The following NRXN3 variants were observed in gnomAD, a reference collection of about 807,000 sequenced individuals.
The protein encoded by NRXN3 is neurexin III.
NRXN3 carries 32 observed loss-of-function variants against 137.6 expected under a neutral mutation model. The ratio of observed to expected loss-of-function variants is 0.23; its 90% confidence interval spans 0.18 to 0.31. NRXN3 has a LOEUF of 0.31. Among genes scored for constraint, NRXN3 ranks in the 10% least tolerant of loss-of-function variants. The pLI, the probability that NRXN3 is intolerant of heterozygous loss-of-function variation, is 1.00. For synonymous variants in NRXN3, 798 were observed against 784.5 expected (o/e 1.02, Z -0.29); for missense variants, 1,574 against 2,062.5 (o/e 0.76, Z 4.59).
At chr14:79,825,018 C>A (rs570698364) in intron 20 of NRXN3, among the ~76,000 whole-genome samples, 1 of 152,246 alleles carries the variant, frequency 6.6e-6, no homozygotes, top group Admixed American at 6.5e-5. Flanking sequence ...TACTAAAGAA[C>A]AAACGTTTGT....
At chr14:78,615,783 A>C (rs1464238481) in intron 4 of NRXN3, among the ~76,000 whole-genome samples, 2 of 152,090 alleles carry the variant, frequency 1.3e-5, no homozygotes, top group Non-Finnish European at 2.9e-5. Context: ...CCCAAAAAAA[A>C]CAAAACAATT....
At chr14:78,198,136 G>A (rs2061386350) in intron 1 of NRXN3, among the ~76,000 whole-genome samples, 1 of 152,208 alleles carries the variant, frequency 6.6e-6, no homozygotes, top group African/African-American at 2.4e-5. Context: ...ATGCTCTGCT[G>A]GGATGGTTTC....
chr14:79,509,521 A>AT (rs1393761729), intron 16 of NRXN3, among the ~76,000 whole-genome samples: 1 of 136,294 alleles, frequency 7.3e-6, no homozygotes, highest in Admixed American at 7.5e-5. Context: ...GTCTCAAAAA[A>AT]ATATATATAT....
At chr14:79,259,300 G>A (rs1275444973) in intron 15 of NRXN3, among the ~76,000 whole-genome samples, 1 of 152,100 alleles carries the variant, frequency 6.6e-6, no homozygotes, top group Non-Finnish European at 1.5e-5. Context: ...TGAAAGAGGA[G>A]GTGTTGGTCT....
Position 78,280,505 on chromosome 14 carries a change from G to C in NRXN3, c.727+1843G>C, listed in dbSNP as rs74065971. Among the ~76,000 whole-genome samples, 313 of 152,252 alleles carry C rather than the reference G, an allele frequency of 2.1e-3. 2 individuals are homozygous for C. The highest frequency in any genetic ancestry group is 7.2e-3 in the African/African-American group (301 of 41,554). ...GGGAGTAAGTCCAACACCTCGTTTT[G>C]TTTGTAAAGTGCCACGTGGCGGCTT... On this transcript the variant is annotated intron_variant, in intron 3 of 20. Coordinates refer to ENST00000335750, the MANE Select transcript of NRXN3 (RefSeq NM_001330195.2).
At chr14:79,713,770 T>A (rs1400073925) in intron 19 of NRXN3, among the ~76,000 whole-genome samples, 1 of 151,256 alleles carries the variant, frequency 6.6e-6, no homozygotes, top group Admixed American at 6.6e-5. Flanking sequence ...TCATGTTCAT[T>A]TCTTAGCCAC....
Position 79,605,637 on chromosome 14 carries a change from G to A in NRXN3, c.3445-58141G>A, listed in dbSNP as rs555128827. On this transcript the variant is annotated intron_variant, in intron 16 of 20. Transcript: ENST00000335750. ...CGAGTAGCTGGGACTACAGGTGTGC[G>A]CCACCACGCCCAGCTAATTTTTTTG... 5.3e-5 allele frequency among the ~76,000 whole-genome samples: 8 copies of A among 152,086 alleles called. No homozygotes were observed. In the South Asian group the frequency reaches 8.3e-4, roughly 16 times the overall value.
intron 2 of NRXN3, among the ~76,000 whole-genome samples, chr14:78,257,028 G>A (rs976402194): frequency 6.6e-6 from 1 of 152,162 alleles, no homozygotes; most frequent in Non-Finnish European, 1.5e-5. Flanking sequence ...TTCTGCCTGT[G>A]GTGGTCTTGA....
intron 4 of NRXN3, among the ~76,000 whole-genome samples, chr14:78,469,187 T>A (rs554288826): frequency 4.6e-5 from 7 of 152,290 alleles, no homozygotes; most frequent in Admixed American, 2.0e-4. Context: ...GTATTTTTTT[T>A]AATATTCACA....
At chr14:78,193,055 TA>T (rs1378104528) in intron 1 of NRXN3, among the ~76,000 whole-genome samples, 1 of 152,142 alleles carries the variant, frequency 6.6e-6, no homozygotes, top group Non-Finnish European at 1.5e-5. Context: ...AATTCTGAGA[TA>T]GTGGATATTA....
At chr14:79,399,103 G>A (rs1327303126) in intron 15 of NRXN3, among the ~76,000 whole-genome samples, 5 of 149,870 alleles carry the variant, frequency 3.3e-5, no homozygotes, top group South Asian at 2.1e-4. Flanking sequence ...CATAGGGCAC[G>A]CCCCTAAAGA....
At chr14:78,284,841 T>C (rs1015004953) in intron 3 of NRXN3, among the ~76,000 whole-genome samples, 1 of 152,050 alleles carries the variant, frequency 6.6e-6, no homozygotes, top group Non-Finnish European at 1.5e-5. Flanking sequence ...TAGGAACCAG[T>C]AAAAAGGGGC....
At chr14:79,030,504 C>T (rs1282402533) in intron 15 of NRXN3, among the ~76,000 whole-genome samples, 2 of 152,118 alleles carry the variant, frequency 1.3e-5, no homozygotes, top group East Asian at 3.9e-4. Flanking sequence ...TTCCCAAATG[C>T]CTGTAGCTTC....
At chr14:78,773,510 C>G (rs1039015333) in intron 8 of NRXN3, among the ~76,000 whole-genome samples, 2 of 152,174 alleles carry the variant, frequency 1.3e-5, no homozygotes, top group African/African-American at 4.8e-5. Flanking sequence ...GGAACCAACA[C>G]AGAATTCAGC....
At chr14:79,793,848 G>A (rs1289687569) in intron 19 of NRXN3, among the ~76,000 whole-genome samples, 2 of 152,166 alleles carry the variant, frequency 1.3e-5, no homozygotes, top group Non-Finnish European at 2.9e-5. Context: ...CTCAAATGCA[G>A]AATCATTGAA....
Position 79,731,784 on chromosome 14 carries a change from T to TC in NRXN3, c.4014+33849dup, listed in dbSNP as rs2098924188. ...CAGGCGTGAGCCACTGAGCCCACCC[T>TC]CCTTCCTTCCTTTTTTAAATTAGAA... On this transcript the variant is annotated intron_variant, in intron 19 of 20. Coordinates refer to ENST00000335750, the MANE Select transcript of NRXN3 (RefSeq NM_001330195.2). Among the ~76,000 whole-genome samples, 3 of 151,832 alleles carry TC rather than the reference T, an allele frequency of 2.0e-5. No individual in the cohort carries two copies. In the South Asian group the frequency reaches 6.3e-4, roughly 32 times the overall value.
At chr14:79,482,452 A>G (rs930987387) in intron 16 of NRXN3, among the ~76,000 whole-genome samples, 8 of 152,186 alleles carry the variant, frequency 5.3e-5, no homozygotes, top group African/African-American at 1.4e-4. Context: ...CTCTCTCGCT[A>G]TCTGGTTCTA....
At chr14:78,911,513 C>G (rs1460406840) in intron 10 of NRXN3, among the ~76,000 whole-genome samples, 1 of 152,078 alleles carries the variant, frequency 6.6e-6, no homozygotes, top group Non-Finnish European at 1.5e-5. Context: ...AGTTCACTAC[C>G]CACAGAGCTG....
intron 4 of NRXN3, among the ~76,000 whole-genome samples, chr14:78,575,201 T>C (rs935034801): frequency 4.1e-4 from 63 of 152,238 alleles, no homozygotes; most frequent in Non-Finnish European, 2.5e-4. Context: ...AAACCTCTTT[T>C]CTTTGTACAT....
Sources: gnomAD v4.1 joint callset for allele counts (sites outside exome capture counted in the v4.1 genomes callset) on GRCh38, gnomAD v4.1.1 for gene constraint, MANE v1.5 for transcripts, NCBI Gene and HGNC (gene_info 2026-07-23, HGNC 2026-07-21) for gene names.